The following PIWIL2 variants were observed in gnomAD, a reference collection of about 807,000 sequenced individuals.
PIWIL2 encodes piwi like RNA-mediated gene silencing 2, also known as piwi-like protein 2.
A neutral mutation model predicts 116.5 loss-of-function variants in PIWIL2; 81 were observed. That is an observed-to-expected ratio of 0.70 (90% CI 0.58 to 0.84). The LOEUF (loss-of-function observed/expected upper bound fraction) is 0.84. PIWIL2 is among the 40% of genes least tolerant of loss of function. PIWIL2 has a pLI of 0.00. For synonymous variants in PIWIL2, 489 were observed against 429.5 expected, an observed-to-expected ratio of 1.14 and a Z score of -1.71; for missense variants, 1,272 against 1,212.3, an observed-to-expected ratio of 1.05 and a Z score of -0.73.
Position 22,304,183 on chromosome 8 carries a change from A to G in PIWIL2, c.1344A>G (p.Lys448=), listed in dbSNP as rs758292903. 6.2e-6 allele frequency: 10 copies of G among 1,613,584 alleles called. No homozygotes were observed. Among genetic ancestry groups the G allele is most frequent in the Non-Finnish European group, 8.5e-6 (10 of 1,179,636 alleles). The change falls in exon 11 of 23, where the codon AAA becomes AAG. Residue 448 remains lysine (K), a synonymous_variant. Transcript: ENST00000356766. The part of the protein sequence containing the change: ...PKDSFTMSDG[K]EITFLEYYSK... ...ATAGCTTCACGATGTCTGATGGGAA[A>G]GAGATCACATTCTTGGAATACTACA...
At position 22,320,027 on chromosome 8, in the gene PIWIL2, A is replaced by G. The variant is rs1350886973; in HGVS notation, c.2403+1752A>G. On this transcript the variant is annotated intron_variant, in intron 20 of 22. Transcript: ENST00000356766. The stretch of plus-strand genomic sequence containing the variant: ...GCCCAGGCTGGAGTGCAGTGGCACA[A>G]TCTCGGCTCACTGCAACCTCTGCCT... 2.6e-5 allele frequency among the ~76,000 whole-genome samples: 4 copies of G among 152,260 alleles called. No individual in the cohort carries two copies. The East Asian group carries it at 5.8e-4, about 22-fold the overall frequency.
intron 20 of PIWIL2, among the ~76,000 whole-genome samples, chr8:22,346,988 A>C (rs927347711): frequency 7.2e-5 from 11 of 151,888 alleles, no homozygotes; most frequent in African/African-American, 2.4e-4. Flanking sequence ...AGCCTGGACA[A>C]CATAGACCTC....
intron 20 of PIWIL2, among the ~76,000 whole-genome samples, chr8:22,320,841 C>T (rs1012681531): frequency 6.6e-6 from 1 of 152,168 alleles, no homozygotes; most frequent in Non-Finnish European, 1.5e-5. Context: ...GATCCACCCC[C>T]CTCAGCCTCT....
At chr8:22,303,925 G>T in intron 10 of PIWIL2, 96 bp from the exon 11 acceptor site, 1 of 732,492 alleles carries the variant, frequency 1.4e-6, no homozygotes, top group Admixed American at 2.6e-5. Flanking sequence ...GTGCTATATA[G>T]CTGTGATTAG....
chr8:22,323,251 A>C (rs910443561), intron 20 of PIWIL2, among the ~76,000 whole-genome samples: 2 of 147,858 alleles, frequency 1.4e-5, no homozygotes, highest in African/African-American at 5.0e-5. Context: ...GGGTTCAAGC[A>C]ATTCTTCTGC....
intron 1 of PIWIL2, among the ~76,000 whole-genome samples, chr8:22,276,610 G>C (rs1175418116): frequency 6.6e-6 from 1 of 152,126 alleles, no homozygotes; most frequent in Non-Finnish European, 1.5e-5. Flanking sequence ...CACCACCCCC[G>C]GCCAAGACAG....
At chr8:22,286,183 T>C (rs549468675) in intron 6 of PIWIL2, among the ~76,000 whole-genome samples, 2 of 152,136 alleles carry the variant, frequency 1.3e-5, no homozygotes, top group Non-Finnish European at 1.5e-5. Flanking sequence ...AATTTGCTTG[T>C]TGAGGGTGTT....
intron 20 of PIWIL2, among the ~76,000 whole-genome samples, chr8:22,350,870 G>A (rs201524599): frequency 2.0e-5 from 3 of 152,110 alleles, no homozygotes; most frequent in Admixed American, 1.3e-4. Flanking sequence ...GCTGGGCGCA[G>A]TGGCTAACGC....
At chr8:22,328,817 C>CTTT (rs1563408402) in intron 20 of PIWIL2, among the ~76,000 whole-genome samples, 1 of 46,564 alleles carries the variant, frequency 2.1e-5, no homozygotes, top group African/African-American at 4.7e-5. Context: ...GAGCTCTAGT[C>CTTT]GTTTTTTTTT....
At chr8:22,312,663 A>G (rs183780007) in intron 16 of PIWIL2, among the ~76,000 whole-genome samples, 3 of 152,190 alleles carry the variant, frequency 2.0e-5, no homozygotes, top group Admixed American at 6.5e-5. Context: ...TTTTAGACAC[A>G]AAGTCTTGAC....
intron 9 of PIWIL2, 127 bp from the exon 10 acceptor site, chr8:22,290,106 A>G (rs1830725342): frequency 1.4e-6 from 1 of 705,342 alleles, no homozygotes; most frequent in African/African-American, 1.8e-5. Flanking sequence ...CAATTAACTT[A>G]GTTTCTTGAG....
At chr8:22,315,884 A>G (rs540815721) in intron 18 of PIWIL2, among the ~76,000 whole-genome samples, 2 of 152,264 alleles carry the variant, frequency 1.3e-5, no homozygotes, top group South Asian at 4.2e-4. Context: ...TTGCATCCCA[A>G]ATTCAAAAAT....
intron 20 of PIWIL2, among the ~76,000 whole-genome samples, chr8:22,349,676 C>T (rs1347636463): frequency 1.3e-5 from 2 of 152,000 alleles, no homozygotes; most frequent in Non-Finnish European, 2.9e-5. Context: ...TTTAACACAG[C>T]GAGTTAGTTA....
At position 22,355,461 on chromosome 8, in the gene PIWIL2, C is replaced by T. The variant is rs1563440850; in HGVS notation, c.2878C>T (p.His960Tyr). The T allele has an allele frequency of 6.2e-7, 1 of 1,614,188 alleles. No individual in the cohort carries two copies. Among genetic ancestry groups the T allele is most frequent in the South Asian group, 1.1e-5 (1 of 91,074 alleles). Residue 960 changes from histidine (H) to tyrosine (Y), a missense_variant, in exon 23 of 23, where the codon CAT becomes TAT. His to Tyr is a moderately conservative substitution (Grantham distance 83). Transcript: ENST00000356766. ...TTTCCTGTCAGGACACATCTTGCAT[C>T]ATGAACCAGCCATCCAGCTGTGCGA... ...LAFLSGHILH[H>Y]EPAIQLCENL...
intron 11 of PIWIL2, among the ~76,000 whole-genome samples, 168 bp downstream of exon 11, chr8:22,304,377 G>A (rs1831126266): frequency 6.6e-6 from 1 of 152,182 alleles, no homozygotes; most frequent in Non-Finnish European, 1.5e-5. Flanking sequence ...TTTGACTTGA[G>A]TATGCTACCA....
At chr8:22,335,590 C>G (rs1831962908) in intron 20 of PIWIL2, among the ~76,000 whole-genome samples, 1 of 135,784 alleles carries the variant, frequency 7.4e-6, no homozygotes, top group Admixed American at 8.4e-5. Flanking sequence ...CTCTGTTGCT[C>G]AGGCTGGAGT....
At chr8:22,316,209 C>T (rs775479588) in intron 18 of PIWIL2, 36 bp from the exon 19 acceptor site, 1 of 1,327,496 alleles carries the variant, frequency 7.5e-7, no homozygotes, top group Middle Eastern at 1.8e-4. Context: ...TTGCTCAGGT[C>T]TGGGGTTTGG....
At chr8:22,305,085 AC>A (rs1327521037) in intron 12 of PIWIL2, among the ~76,000 whole-genome samples, 1 of 152,258 alleles carries the variant, frequency 6.6e-6, no homozygotes, top group African/African-American at 2.4e-5. Flanking sequence ...CTAAATATCC[AC>A]ATAAGCTATT....
At chr8:22,295,928 A>C (rs1480740251) in intron 10 of PIWIL2, among the ~76,000 whole-genome samples, 1 of 150,876 alleles carries the variant, frequency 6.6e-6, no homozygotes, top group Non-Finnish European at 1.5e-5. Flanking sequence ...ATACCATCTT[A>C]GAAATGTCTG....
Sources: gnomAD v4.1 joint callset for allele counts (sites outside exome capture counted in the v4.1 genomes callset) on GRCh38, gnomAD v4.1.1 for gene constraint, MANE v1.5 for transcripts, NCBI Gene and HGNC (gene_info 2026-07-23, HGNC 2026-07-21) for gene names.